DPYD: variants seen among roughly 807,000 people sequenced by gnomAD.
DPYD encodes dihydropyrimidine dehydrogenase.
Under a neutral mutation model 116.2 loss-of-function variants are expected in DPYD, and 109 were observed. The observed-to-expected ratio is 0.94, with a 90% CI of 0.80 to 1.10. The LOEUF (loss-of-function observed/expected upper bound fraction) is 1.10. Ranked by LOEUF, DPYD falls within the 50% of genes least tolerant of loss-of-function variation. The pLI is 0.00. For synonymous variants in DPYD, 440 were observed against 432.0 expected, an observed-to-expected ratio of 1.02 and a Z score of -0.23; for missense variants, 1,302 against 1,254.5, an observed-to-expected ratio of 1.04 and a Z score of -0.57.
chr1:97,616,732 C>T (rs1030053820), intron 8 of DPYD, among the ~76,000 whole-genome samples: 2 of 152,122 alleles, frequency 1.3e-5, no homozygotes, highest in African/African-American at 4.8e-5. Context: ...AGGTGAATGA[C>T]TTGTACAATA....
intron 18 of DPYD, 60 bp from the exon 19 acceptor site, chr1:97,235,054 T>C (rs1171289447): frequency 5.7e-6 from 9 of 1,586,902 alleles, no homozygotes; most frequent in South Asian, 1.1e-5. Context: ...TACTGTCTTA[T>C]ATTACTTCTA....
intron 20 of DPYD, among the ~76,000 whole-genome samples, chr1:97,099,402 G>A (rs543485727): frequency 3.2e-4 from 48 of 152,138 alleles, no homozygotes; most frequent in South Asian, 8.3e-4. Flanking sequence ...ATACCTGGGC[G>A]TCATGGAAAA....
Position 97,699,694 on chromosome 1 carries a change from T to C in DPYD, c.484-147A>G. 9 of 793,534 alleles carry C rather than the reference T, an allele frequency of 1.1e-5. No individual in the cohort carries two copies. The South Asian group carries it at 1.5e-4, about 14-fold the overall frequency. The allele number at this position is 793,534 out of a possible 1,614,324, so 49.2% of individuals were successfully genotyped here. A position where few individuals can be genotyped will look rare whatever the true frequency, so the allele number is the denominator to read the frequency against. ...AATATGGTATACTTACAACTTTTAT[T>C]GTGTCAAGTAGATGAGGAGTTATGG... is the stretch of plus-strand genomic sequence containing the variant. On this transcript the variant is annotated intron_variant, in intron 5 of 22. Coordinates refer to ENST00000370192, the MANE Select transcript of DPYD (RefSeq NM_000110.4).
intron 12 of DPYD, among the ~76,000 whole-genome samples, chr1:97,539,734 T>C (rs1255116974): frequency 6.6e-6 from 1 of 152,196 alleles, no homozygotes; most frequent in Admixed American, 6.5e-5. Context: ...AAATGTTCCA[T>C]GTTTATAAGA....
intron 6 of DPYD, among the ~76,000 whole-genome samples, chr1:97,697,309 C>T (rs919074965): frequency 6.6e-6 from 1 of 151,648 alleles, no homozygotes; most frequent in African/African-American, 2.4e-5. Flanking sequence ...ATAAAAGAAT[C>T]TGTTTGGATG....
intron 12 of DPYD, among the ~76,000 whole-genome samples, chr1:97,525,092 T>C (rs1424276833): frequency 6.6e-6 from 1 of 152,192 alleles, no homozygotes; most frequent in Non-Finnish European, 1.5e-5. Context: ...ATATTACGTT[T>C]CTCATCTCCA....
At chr1:97,319,429 T>C (rs1189741731) in intron 16 of DPYD, among the ~76,000 whole-genome samples, 1 of 125,256 alleles carries the variant, frequency 8.0e-6, no homozygotes, top group Non-Finnish European at 1.7e-5. Context: ...AAATACAAAC[T>C]ACCATCAGAG....
At chr1:97,183,852 T>G (rs192875920) in intron 20 of DPYD, among the ~76,000 whole-genome samples, 1 of 152,204 alleles carries the variant, frequency 6.6e-6, no homozygotes, top group East Asian at 1.9e-4. Context: ...TACAGGTTAT[T>G]TTGTCACTCA....
At chr1:97,407,941 T>C (rs1318674374) in intron 14 of DPYD, among the ~76,000 whole-genome samples, 1 of 152,102 alleles carries the variant, frequency 6.6e-6, no homozygotes, top group Non-Finnish European at 1.5e-5. Flanking sequence ...CAGTCAACAG[T>C]CTAAGAAAGG....
At chr1:97,727,507 T>A (rs1193691872) in intron 4 of DPYD, among the ~76,000 whole-genome samples, 2 of 151,680 alleles carry the variant, frequency 1.3e-5, no homozygotes, top group African/African-American at 2.4e-5. Flanking sequence ...GAATAGATGA[T>A]GTGGAAATTC....
At chr1:97,659,846 A>G (rs1659152557) in intron 8 of DPYD, among the ~76,000 whole-genome samples, 2 of 152,044 alleles carry the variant, frequency 1.3e-5, no homozygotes. Context: ...CATTTCTTCA[A>G]TTTCCACCTT....
intron 19 of DPYD, among the ~76,000 whole-genome samples, chr1:97,223,091 C>T (rs892451767): frequency 4.6e-5 from 7 of 151,984 alleles, no homozygotes; most frequent in Non-Finnish European, 8.8e-5. Context: ...GTAATGCATC[C>T]ATCTGCACTC....
At chr1:97,338,655 C>T (rs1042725599) in intron 16 of DPYD, among the ~76,000 whole-genome samples, 1 of 152,138 alleles carries the variant, frequency 6.6e-6, no homozygotes, top group Non-Finnish European at 1.5e-5. Flanking sequence ...CTTTGTCCCC[C>T]TTGGACCTAG....
At chr1:97,713,226 T>C (rs1330411028) in intron 5 of DPYD, among the ~76,000 whole-genome samples, 2 of 152,132 alleles carry the variant, frequency 1.3e-5, no homozygotes, top group African/African-American at 2.4e-5. Flanking sequence ...TATGAAAGTA[T>C]ATACATTTTT....
chr1:97,436,724 C>T (rs1285251997), intron 14 of DPYD, among the ~76,000 whole-genome samples: 5 of 152,002 alleles, frequency 3.3e-5, no homozygotes, highest in African/African-American at 7.2e-5. Context: ...AACAATCCAA[C>T]CAATATTTCT....
At chr1:97,783,487 T>C (rs1406268111) in intron 3 of DPYD, among the ~76,000 whole-genome samples, 1 of 148,116 alleles carries the variant, frequency 6.8e-6, no homozygotes, top group Non-Finnish European at 1.5e-5. Flanking sequence ...CTCCACCTCC[T>C]GGATTCAAGT....
chr1:97,682,125 A>G (rs573183621), intron 7 of DPYD, among the ~76,000 whole-genome samples: 119 of 152,140 alleles, frequency 7.8e-4, no homozygotes, highest in African/African-American at 2.6e-3. Context: ...AATATATAAG[A>G]AAGATGCTCA....
chr1:97,300,626 T>C (rs988494373), intron 18 of DPYD, among the ~76,000 whole-genome samples: 1 of 152,088 alleles, frequency 6.6e-6, no homozygotes, highest in Non-Finnish European at 1.5e-5. Context: ...GAGTTTGTAA[T>C]CTGTTTTGTT....
chr1:97,179,918 A>T (rs1657537131), intron 20 of DPYD, among the ~76,000 whole-genome samples: 1 of 152,150 alleles, frequency 6.6e-6, no homozygotes, highest in East Asian at 1.9e-4. Context: ...CAGGTTTCTA[A>T]GAAGAAAAGG....
Sources: gnomAD v4.1 joint callset for allele counts (sites outside exome capture counted in the v4.1 genomes callset) on GRCh38, gnomAD v4.1.1 for gene constraint, MANE v1.5 for transcripts, NCBI Gene and HGNC (gene_info 2026-07-23, HGNC 2026-07-21) for gene names.